The following DOCK9 variants were observed in gnomAD, a reference collection of about 807,000 sequenced individuals.
The protein encoded by DOCK9 is dedicator of cytokinesis protein 9.
DOCK9 carries 89 observed loss-of-function variants against 263.3 expected under a neutral mutation model. The ratio of observed to expected loss-of-function variants is 0.34; its 90% CI spans 0.28 to 0.40. DOCK9 has a LOEUF of 0.40. DOCK9 is among the 10% of genes least tolerant of loss of function. The probability of loss-of-function intolerance (pLI) is 1.00; values close to 1 mark genes in which losing one functional copy is unlikely to be tolerated. For synonymous variants in DOCK9, 976 were observed against 973.1 expected, an observed-to-expected ratio of 1.00 and a Z score of -0.06; for missense variants, 2,140 against 2,603.4, an observed-to-expected ratio of 0.82 and a Z score of 3.87.
At chr13:99,009,191 C>G (rs1264312700) in intron 1 of DOCK9, among the ~76,000 whole-genome samples, 1 of 152,220 alleles carries the variant, frequency 6.6e-6, no homozygotes, top group African/African-American at 2.4e-5. Context: ...GTCTGGCCCT[C>G]TCTCGTGCTC....
chr13:98,846,699 C>G, intron 37 of DOCK9: 1 of 480,154 alleles, frequency 2.1e-6, no homozygotes, highest in South Asian at 1.7e-5. Flanking sequence ...CCGGAGCCAA[C>G]CGTCCCCCTC....
intron 33 of DOCK9, 62 bp from the exon 34 acceptor site, chr13:98,856,093 C>T (rs2141700983): frequency 6.4e-7 from 1 of 1,556,448 alleles, no homozygotes; most frequent in Non-Finnish European, 8.8e-7. Flanking sequence ...AAGATGAGTA[C>T]TGAACTTTAA....
rs1354794828 is a variant in DOCK9, at chr13:98,971,482, C to T, written c.126+6302G>A. ...CAGCACTTTGGGAGGCCAAGGTGGGCGGATCACGAAATCAGGACATCGAGA... is the reference window on the plus strand; with the variant it reads ...CAGCACTTTGGGAGGCCAAGGTGGGTGGATCACGAAATCAGGACATCGAGA... On this transcript the variant is annotated intron_variant, in intron 1 of 52. Coordinates refer to ENST00000682017, the MANE Select transcript of DOCK9 (RefSeq NM_001366683.2). Among the ~76,000 whole-genome samples, 7 of 64,770 alleles carry T rather than the reference C, an allele frequency of 1.1e-4. 2 individuals carry two copies. Among genetic ancestry groups the T allele is most frequent in the African/African-American group, 6.1e-4 (7 of 11,452 alleles). The allele number at this position is 64,770 out of a possible 152,430, so 42.5% of individuals were successfully genotyped here.
chr13:98,996,170 G>A (rs1185516862), intron 1 of DOCK9, among the ~76,000 whole-genome samples: 2 of 152,164 alleles, frequency 1.3e-5, no homozygotes, highest in African/African-American at 4.8e-5. Flanking sequence ...CATATAGACA[G>A]GTGGTGGCTA....
chr13:99,064,805 T>G (rs977033009), intron 1 of DOCK9, among the ~76,000 whole-genome samples: 42 of 152,184 alleles, frequency 2.8e-4, no homozygotes, highest in Non-Finnish European at 5.9e-5. Context: ...CTGAGTATTT[T>G]AAAGAGGACA....
intron 2 of DOCK9, chr13:98,950,084 C>T: frequency 2.1e-6 from 1 of 470,644 alleles, no homozygotes; most frequent in South Asian, 2.1e-5. Context: ...TTTGGGGTGA[C>T]TTTTACAAAG....
chr13:98,794,840 TAAC>T, intron 52 of DOCK9, 92 bp from the exon 53 acceptor site: 1 of 1,427,826 alleles, frequency 7.0e-7, no homozygotes, highest in South Asian at 1.3e-5. Flanking sequence ...TTACCAAGTG[TAAC>T]AAAATGTTAC....
chr13:98,964,296 CCAGCACCTAGAA>C (rs1444583819), intron 1 of DOCK9, among the ~76,000 whole-genome samples: 1 of 152,146 alleles, frequency 6.6e-6, no homozygotes, highest in Non-Finnish European at 1.5e-5. Flanking sequence ...GCTGCTTTCT[CCAGCACCTAGAA>C]CAGCACCCAG....
chr13:98,915,569 C>T (rs2050756866), intron 7 of DOCK9, 66 bp from the exon 8 acceptor site: 2 of 1,456,416 alleles, frequency 1.4e-6, no homozygotes, highest in African/African-American at 1.4e-5. Context: ...AATAATTACT[C>T]TCTCTTGTTG....
At chr13:99,001,010 G>A (rs1042127210) in intron 1 of DOCK9, among the ~76,000 whole-genome samples, 10 of 152,134 alleles carry the variant, frequency 6.6e-5, no homozygotes, top group Non-Finnish European at 1.5e-5. Flanking sequence ...AGGACAAGAA[G>A]GGGCTTCTGT....
intron 9 of DOCK9, 132 bp downstream of exon 9, chr13:98,914,196 G>C (rs1335953714): frequency 1.3e-6 from 1 of 753,210 alleles, no homozygotes; most frequent in Non-Finnish European, 2.1e-6. Context: ...CTCGTAATCA[G>C]GTCAGAAAAA....
At chr13:98,984,047 C>G (rs1218721624) in intron 1 of DOCK9, among the ~76,000 whole-genome samples, 2 of 152,162 alleles carry the variant, frequency 1.3e-5, no homozygotes, top group Non-Finnish European at 1.5e-5. Flanking sequence ...TCCACAAACC[C>G]TCTAAAATTA....
At position 98,837,608 on chromosome 13, in the gene DOCK9, G is replaced by T. The variant is rs1310323192; in HGVS notation, c.4200C>A (p.Ser1400Arg). ...GAACATCTGCGTCCGAGTGGCCATA[G>T]CCTGCATGAATTACAACACAAGATT... The part of the protein sequence containing the change: ...SLDNSLTFNH[S>R]YGHSDADVLH... Residue 1400 changes from serine (S) to arginine (R), a missense_variant and splice_region_variant, in exon 39 of 53, where the codon AGC (serine) becomes AGA (arginine). This residue lies in a region of DOCK9 where 1,521 missense variants were observed against 1,741.7 expected (regional missense o/e 0.87). Coordinates refer to ENST00000682017, the MANE Select transcript of DOCK9 (RefSeq NM_001366683.2). 6.2e-7 allele frequency: 1 copy of T among 1,609,874 alleles called. No individual in the cohort carries two copies. Among genetic ancestry groups the T allele is most frequent in the Non-Finnish European group, 8.5e-7 (1 of 1,176,828 alleles).
rs1258916993 is a variant in DOCK9, at chr13:98,888,485, T to C, written c.1852A>G (p.Thr618Ala). ...QFETCSKTPI[T>A]FEVEEFVPCI... Reference sequence around the variant, plus strand: ...GGCACAAATTCCTCCACTTCAAACGTGATGGGAGTTTTACTGCAGGTTTCA... The same window carrying C: ...GGCACAAATTCCTCCACTTCAAACGCGATGGGAGTTTTACTGCAGGTTTCA... The change falls in exon 17 of 53, where the codon ACG becomes GCG. Residue 618 changes from threonine to alanine, a missense_variant. By Grantham distance (58) the Thr-to-Ala change is moderately conservative. Around this residue, in one of 2 missense-constraint regions of DOCK9, gnomAD observed 1,521 missense variants for 1,741.7 expected, o/e 0.87. Transcript: ENST00000682017. 2 of 1,613,878 alleles carry C rather than the reference T, an allele frequency of 1.2e-6. No homozygotes were observed. The highest frequency in any genetic ancestry group is 1.7e-6 in the Non-Finnish European group (2 of 1,179,886).
At chr13:98,941,298 G>A (rs74111319) in intron 2 of DOCK9, among the ~76,000 whole-genome samples, 10,670 of 152,222 alleles carry the variant, frequency 0.07, 543 homozygotes, top group African/African-American at 0.14. Context: ...GAGGGACTGC[G>A]CAATTTAGTT....
Position 98,904,659 on chromosome 13 carries a change from T to A in DOCK9, c.1008A>T (p.Lys336Asn), listed in dbSNP as rs1454658859. The A allele has an allele frequency of 6.4e-7, 1 of 1,557,668 alleles. No homozygotes were observed. The highest frequency in any genetic ancestry group is 8.7e-7 in the Non-Finnish European group (1 of 1,149,566). ...GGGCATCTGGGTCCAAATAAAAAAG[T>A]TTGACTCTGCTTTCACTTTTCAGTT... is the stretch of plus-strand genomic sequence containing the variant. Reference protein sequence around the residue: ...EIKLKSESRVKLFYLDPDAQK... With the variant: ...EIKLKSESRVNLFYLDPDAQK... The change falls in exon 10 of 53, where the codon AAA (lysine) becomes AAT (asparagine). Residue 336 changes from lysine to asparagine, a missense_variant. By Grantham distance (94) the Lys-to-Asn change is moderately conservative (BLOSUM62 0). This residue lies in a region of DOCK9 where 1,521 missense variants were observed against 1,741.7 expected (regional missense o/e 0.87). Coordinates refer to ENST00000682017, the MANE Select transcript of DOCK9 (RefSeq NM_001366683.2).
chr13:99,019,250 T>C (rs1368045916), intron 1 of DOCK9, among the ~76,000 whole-genome samples: 1 of 152,198 alleles, frequency 6.6e-6, no homozygotes, highest in African/African-American at 2.4e-5. Flanking sequence ...GGGTCATTGC[T>C]AGCGGGTATG....
At chr13:98,889,714 C>G (rs2046331442) in intron 15 of DOCK9, among the ~76,000 whole-genome samples, 1 of 152,116 alleles carries the variant, frequency 6.6e-6, no homozygotes, top group African/African-American at 2.4e-5. Flanking sequence ...ATCTTTCAAC[C>G]ACCTATACTA....
At position 98,826,709 on chromosome 13, in the gene DOCK9, A is replaced by G. The variant is rs2092555639; in HGVS notation, c.5023+121T>C. 3.9e-6 allele frequency: 3 copies of G among 772,682 alleles called. No individual in the cohort carries two copies. In the Admixed American group the frequency reaches 8.1e-5, roughly 21 times the overall value. 47.9% of individuals were successfully genotyped at this position (772,682 alleles called of 1,614,324 possible). On this transcript the variant is annotated intron_variant, in intron 44 of 52. Transcript: ENST00000682017. Reference sequence around the variant, plus strand: ...CATCACGCCAGGGGATAAAACAACGAATACACTTCACAAACACACAAATCC... The same window carrying G: ...CATCACGCCAGGGGATAAAACAACGGATACACTTCACAAACACACAAATCC...
Sources: gnomAD v4.1 joint callset for allele counts (sites outside exome capture counted in the v4.1 genomes callset) on GRCh38, gnomAD v4.1.1 for gene constraint, gnomAD v4.1.1 regional missense constraint, MANE v1.5 for transcripts, NCBI Gene and HGNC (gene_info 2026-07-23, HGNC 2026-07-21) for gene names.